The following WWOX variants were observed in gnomAD, a reference collection of about 807,000 sequenced individuals.
WWOX encodes the protein WW domain containing oxidoreductase, also known as WW domain-containing oxidoreductase.
WWOX carries 69 observed loss-of-function variants against 46.2 expected under a neutral mutation model. That is an observed-to-expected ratio of 1.49 (90% confidence interval 1.23 to 1.82). The LOEUF (loss-of-function observed/expected upper bound fraction) is 1.82, where lower values mean the gene tolerates loss of function less well. Ranked by LOEUF, WWOX falls within the 40% of genes most tolerant of loss-of-function variation. The pLI is 0.00. For missense variants in WWOX, 919 were observed against 542.6 expected, an observed-to-expected ratio of 1.69 and a Z score of -6.89; for synonymous variants, 359 against 202.6, an observed-to-expected ratio of 1.77 and a Z score of -6.56.
chr16:78,470,786 C>T (rs894035652), intron 8 of WWOX, among the ~76,000 whole-genome samples: 4 of 152,150 alleles, frequency 2.6e-5, no homozygotes, highest in Non-Finnish European at 5.9e-5. Context: ...ACCTCGGCCT[C>T]CCAAAGTGCT....
intron 8 of WWOX, among the ~76,000 whole-genome samples, chr16:78,720,571 G>C (rs992582752): frequency 2.6e-5 from 4 of 151,606 alleles, no homozygotes; most frequent in African/African-American, 9.7e-5. Context: ...GAGAGACAGA[G>C]CCAGATGTTC....
intron 8 of WWOX, among the ~76,000 whole-genome samples, chr16:79,193,829 T>C (rs2051186158): frequency 6.6e-6 from 1 of 152,046 alleles, no homozygotes; most frequent in Non-Finnish European, 1.5e-5. Context: ...ACAGACAAGA[T>C]TGTGGTTTAA....
At chr16:78,569,170 A>C (rs2044651473) in intron 8 of WWOX, among the ~76,000 whole-genome samples, 1 of 152,230 alleles carries the variant, frequency 6.6e-6, no homozygotes, top group Non-Finnish European at 1.5e-5. Context: ...CCCTATGGGC[A>C]GAAATGTGAC....
At position 78,849,902 on chromosome 16, in the gene WWOX, G is replaced by A. The variant is rs547396539; in HGVS notation, c.1057-361706G>A. On this transcript the variant is annotated intron_variant, in intron 8 of 8. Coordinates refer to ENST00000566780, the MANE Select transcript of WWOX (RefSeq NM_016373.4). Reference sequence around the variant, plus strand: ...AGCCTGACCAACATGCAGAAACCCTGTCTCTACTTAAAATACAAAATTAGC... The same window carrying A: ...AGCCTGACCAACATGCAGAAACCCTATCTCTACTTAAAATACAAAATTAGC... 4.6e-5 allele frequency among the ~76,000 whole-genome samples: 7 copies of A among 152,050 alleles called. No individual in the cohort carries two copies. The East Asian group carries it at 1.2e-3, about 25-fold the overall frequency.
At chr16:79,128,243 G>T (rs1191504074) in intron 8 of WWOX, among the ~76,000 whole-genome samples, 3 of 152,116 alleles carry the variant, frequency 2.0e-5, no homozygotes, top group Non-Finnish European at 4.4e-5. Flanking sequence ...ACTTACTCCT[G>T]ATCCCATTGG....
chr16:78,530,774 T>A (rs1030145108), intron 8 of WWOX, among the ~76,000 whole-genome samples: 2 of 152,202 alleles, frequency 1.3e-5, no homozygotes, highest in Non-Finnish European at 2.9e-5. Flanking sequence ...TTTGTACATA[T>A]GAAATTTAAT....
chr16:79,115,133 C>G (rs1221190503), intron 8 of WWOX, among the ~76,000 whole-genome samples: 1 of 152,194 alleles, frequency 6.6e-6, no homozygotes. Context: ...GTGGATTTAA[C>G]TCCTTCGTGT....
At chr16:79,166,165 T>C (rs1299106246) in intron 8 of WWOX, among the ~76,000 whole-genome samples, 1 of 152,226 alleles carries the variant, frequency 6.6e-6, no homozygotes, top group Admixed American at 6.5e-5. Flanking sequence ...ACAAATCATC[T>C]TGTTTTTAGG....
chr16:78,952,365 T>C (rs977159722), intron 8 of WWOX, among the ~76,000 whole-genome samples: 1 of 149,972 alleles, frequency 6.7e-6, no homozygotes, highest in African/African-American at 2.5e-5. Context: ...TTTTACATTT[T>C]TGTTTTTTTG....
At chr16:78,321,520 C>G (rs1313995003) in intron 5 of WWOX, among the ~76,000 whole-genome samples, 1 of 151,502 alleles carries the variant, frequency 6.6e-6, no homozygotes, top group Non-Finnish European at 1.5e-5. Context: ...CGTAGTCTGC[C>G]ACGAGAATCC....
intron 8 of WWOX, among the ~76,000 whole-genome samples, chr16:78,784,766 C>T (rs1395649700): frequency 6.6e-6 from 1 of 152,096 alleles, no homozygotes; most frequent in Non-Finnish European, 1.5e-5. Context: ...AGCACAGTGA[C>T]TGCAAGGTCA....
At chr16:78,840,805 G>A (rs564935986) in intron 8 of WWOX, among the ~76,000 whole-genome samples, 9 of 149,898 alleles carry the variant, frequency 6.0e-5, no homozygotes, top group African/African-American at 1.9e-4. Flanking sequence ...CACTTAGTAG[G>A]TATATATATT....
intron 5 of WWOX, among the ~76,000 whole-genome samples, chr16:78,252,630 T>A (rs1348514856): frequency 6.6e-6 from 1 of 152,238 alleles, no homozygotes; most frequent in Non-Finnish European, 1.5e-5. Context: ...TCTCACGTTC[T>A]AGAATACATC....
chr16:79,045,926 C>G (rs772955060), intron 8 of WWOX, among the ~76,000 whole-genome samples: 26 of 150,546 alleles, frequency 1.7e-4, no homozygotes, highest in Non-Finnish European at 2.8e-4. Context: ...CTCAGCCTCC[C>G]AAGTAGCTGG....
chr16:78,582,278 A>G (rs1397224549), intron 8 of WWOX, among the ~76,000 whole-genome samples: 1 of 152,170 alleles, frequency 6.6e-6, no homozygotes, highest in Non-Finnish European at 1.5e-5. Context: ...TTTTGATAGC[A>G]ATTGCTGTTG....
chr16:78,864,605 C>G (rs757799346), intron 8 of WWOX, among the ~76,000 whole-genome samples: 1 of 152,004 alleles, frequency 6.6e-6, no homozygotes, highest in Non-Finnish European at 1.5e-5. Context: ...TGCACATAAC[C>G]TCCATGATGT....
At chr16:79,123,397 G>A (rs1331495863) in intron 8 of WWOX, among the ~76,000 whole-genome samples, 3 of 152,140 alleles carry the variant, frequency 2.0e-5, no homozygotes, top group Admixed American at 1.3e-4. Flanking sequence ...AACTCCCCAG[G>A]TTTTCGGGAG....
chr16:78,619,174 T>A (rs1232972273), intron 8 of WWOX, among the ~76,000 whole-genome samples: 134 of 6,740 alleles, frequency 0.02, 44 homozygotes, highest in Middle Eastern at 0.12. Flanking sequence ...TATATATATA[T>A]ATATATATAT....
intron 8 of WWOX, among the ~76,000 whole-genome samples, chr16:78,705,878 C>CT (rs1323122248): frequency 6.6e-6 from 1 of 152,066 alleles, no homozygotes; most frequent in Non-Finnish European, 1.5e-5. Context: ...GGTAGTGTAT[C>CT]TTGAGTAAGG....
Sources: gnomAD v4.1 joint callset for allele counts (sites outside exome capture counted in the v4.1 genomes callset) on GRCh38, gnomAD v4.1.1 for gene constraint, MANE v1.5 for transcripts, NCBI Gene and HGNC (gene_info 2026-07-23, HGNC 2026-07-21) for gene names.